REV1: variants seen among roughly 807,000 people sequenced by gnomAD.
REV1 encodes REV1 DNA directed polymerase.
Under a neutral mutation model 137.4 loss-of-function variants are expected in REV1, and 42 were observed. That is an observed-to-expected ratio of 0.31 (90% CI 0.24 to 0.40). REV1 has a LOEUF of 0.40. REV1 is among the 10% of genes least tolerant of loss of function. REV1 has a pLI of 1.00. For synonymous variants in REV1, 524 were observed against 519.2 expected, an observed-to-expected ratio of 1.01 and a Z score of -0.12; for missense variants, 1,282 against 1,490.1, an observed-to-expected ratio of 0.86 and a Z score of 2.30.
intron 1 of REV1, among the ~76,000 whole-genome samples, chr2:99,485,165 A>G (rs1687011045): frequency 6.6e-6 from 1 of 152,252 alleles, no homozygotes; most frequent in South Asian, 2.1e-4. Flanking sequence ...TACTAAGGAC[A>G]AGTGAATTTA....
chr2:99,401,423 T>G (rs772214707), intron 22 of REV1, 71 bp from the exon 23 acceptor site: 1 of 1,027,388 alleles, frequency 9.7e-7, no homozygotes, highest in Non-Finnish European at 1.4e-6. Context: ...TTCCTTTTTA[T>G]ATATAAAAAT....
At chr2:99,468,145 AC>A (rs573311229) in intron 1 of REV1, among the ~76,000 whole-genome samples, 87 of 150,736 alleles carry the variant, frequency 5.8e-4, no homozygotes, top group South Asian at 1.3e-3. Flanking sequence ...GCACCATTGG[AC>A]TCCAGCCTGG....
rs1371812251 is a variant in REV1 at position 99,462,555 on chromosome 2, T to C, written c.122A>G (p.Lys41Arg). The C allele has an allele frequency of 6.2e-7, 1 of 1,613,710 alleles. No individual in the cohort carries two copies. The highest frequency in any genetic ancestry group is 8.5e-7 in the Non-Finnish European group (1 of 1,179,846). Reference protein sequence around the residue: ...EQFRSDAAMQKDGTSSTIFSG... With the variant: ...EQFRSDAAMQRDGTSSTIFSG... Reference sequence around the variant, plus strand: ...AAAAATTGTAGATGAAGTCCCATCCTTCTGCATAGCAGCATCTGATCGAAA... The same window carrying C: ...AAAAATTGTAGATGAAGTCCCATCCCTCTGCATAGCAGCATCTGATCGAAA... Residue 41 changes from lysine to arginine, a missense_variant, in exon 3 of 23, where the codon AAG (lysine) becomes AGG (arginine). By Grantham distance (26) the Lys-to-Arg change is conservative. Transcript: ENST00000258428.
chr2:99,423,825 G>A (rs1678994484), intron 10 of REV1, among the ~76,000 whole-genome samples: 1 of 152,140 alleles, frequency 6.6e-6, no homozygotes, highest in Non-Finnish European at 1.5e-5. Flanking sequence ...GAAAAACCAG[G>A]TTAAAAAATT....
rs779954369 is a variant in REV1, at chr2:99,406,344, G to C, written c.2595C>G (p.Thr865=). The C allele has an allele frequency of 6.8e-6, 11 of 1,612,070 alleles. No homozygotes were observed. Among genetic ancestry groups the C allele is most frequent in the Non-Finnish European group, 8.5e-6 (10 of 1,178,896 alleles). ...ACCAACCTTCTTTGTGCTCCTCTTC[G>C]GTGGATTTCTTAGCTTTCTGAACTT... ...VFQVQKAKKS[T]EEEHKEVFRA... is the part of the protein sequence containing the mutation. The change falls in exon 16 of 23, where the codon ACC becomes ACG. Residue 865 remains threonine (T), a synonymous_variant. Transcript: ENST00000258428.
chr2:99,462,662 A>T, intron 2 of REV1, 40 bp from the exon 3 acceptor site: 1 of 1,573,564 alleles, frequency 6.4e-7, no homozygotes, highest in South Asian at 1.2e-5. Flanking sequence ...CAAAGGTTAC[A>T]TTTTCTCCCC....
intron 1 of REV1, among the ~76,000 whole-genome samples, chr2:99,474,698 T>C (rs1685775640): frequency 6.6e-6 from 1 of 152,100 alleles, no homozygotes; most frequent in African/African-American, 2.4e-5. Context: ...GATCAGAAGT[T>C]TGAGACCAGC....
chr2:99,442,201 G>A, intron 5 of REV1, 116 bp downstream of exon 5: 4 of 943,460 alleles, frequency 4.2e-6, no homozygotes, highest in East Asian at 2.8e-5. Flanking sequence ...GCAATGAGCC[G>A]AGATCATACC....
At chr2:99,415,003 TATGA>T (rs1677657062) in intron 12 of REV1, among the ~76,000 whole-genome samples, 1 of 152,230 alleles carries the variant, frequency 6.6e-6, no homozygotes, top group Non-Finnish European at 1.5e-5. Context: ...GACATCCCTC[TATGA>T]AAGAAGCACA....
chr2:99,462,595 T>G lies in REV1; in HGVS notation c.82A>C (p.Lys28Gln). 6.2e-7 allele frequency: 1 copy of G among 1,613,106 alleles called. No homozygotes were observed. Among genetic ancestry groups the G allele is most frequent in the Non-Finnish European group, 8.5e-7 (1 of 1,179,816 alleles). ...WGGYMAAKVQ[K>Q]LEEQFRSDAA... ...TCTGATCGAAACTGTTCCTCCAATT[T>G]CTGGACCTTGGCAGCCATATACCCA... is the stretch of plus-strand genomic sequence containing the variant. The change falls in exon 3 of 23, where the codon AAA becomes CAA. Residue 28 changes from lysine (K) to glutamine (Q), a missense_variant. Lys to Gln is a moderately conservative substitution (Grantham distance 53). Coordinates refer to ENST00000258428, the MANE Select transcript of REV1 (RefSeq NM_016316.4).
intron 14 of REV1, among the ~76,000 whole-genome samples, chr2:99,409,858 C>A (rs545823796): frequency 3.9e-5 from 5 of 129,080 alleles, no homozygotes; most frequent in South Asian, 3.1e-4. Context: ...AAACAACCCC[C>A]CCCCCCCCCA....
At chr2:99,445,912 C>T (rs996895575) in intron 4 of REV1, among the ~76,000 whole-genome samples, 1 of 151,594 alleles carries the variant, frequency 6.6e-6, no homozygotes, top group Non-Finnish European at 1.5e-5. Context: ...TCAAACTGCT[C>T]GAATAAAAAC....
chr2:99,441,455 A>G (rs28382874), intron 5 of REV1, among the ~76,000 whole-genome samples: 1,994 of 152,238 alleles, frequency 0.013, 43 homozygotes, highest in African/African-American at 0.046. Context: ...GGTTGCAATT[A>G]AAAGCTTAAA....
chr2:99,436,004 T>C lies in REV1; in HGVS notation c.1214-63A>G, dbSNP rs189130931. The C allele has an allele frequency of 1.5e-3, 1,315 of 903,360 alleles. 4 individuals carry two copies. Among genetic ancestry groups the C allele is most frequent in the Non-Finnish European group, 1.6e-3 (905 of 558,936 alleles). The allele number at this position is 903,360 out of a possible 1,614,324, so 56.0% of individuals were successfully genotyped here. A position where few individuals can be genotyped will look rare whatever the true frequency, so the allele number is the denominator to read the frequency against. On this transcript the variant is annotated intron_variant, in intron 6 of 22. Transcript: ENST00000258428. The stretch of plus-strand genomic sequence containing the variant: ...TTTTTACTATTTAAAACATCAGGTC[T>C]AGTTAATTTTAGAAATTATATTTAA...
Position 99,401,360 on chromosome 2 carries a change from T to C in REV1, c.3645-8A>G. Reference sequence around the variant, plus strand: ...ACCGATTGCTGCATCAGCCTAAAGGTGGGGAGAGAAGAAATGTCATTAGGA... The same window carrying C: ...ACCGATTGCTGCATCAGCCTAAAGGCGGGGAGAGAAGAAATGTCATTAGGA... On this transcript the variant is annotated splice_region_variant and splice_polypyrimidine_tract_variant and intron_variant, in intron 22 of 22. Transcript: ENST00000258428. 1 of 1,585,338 alleles carries C rather than the reference T, an allele frequency of 6.3e-7. No homozygotes were observed. Among genetic ancestry groups the C allele is most frequent in the Non-Finnish European group, 8.6e-7 (1 of 1,156,236 alleles).
intron 3 of REV1, among the ~76,000 whole-genome samples, chr2:99,452,348 G>A (rs1224606112): frequency 6.7e-6 from 1 of 149,522 alleles, no homozygotes; most frequent in East Asian, 2.0e-4. Flanking sequence ...CCTTGAGCCA[G>A]AGAGGCAGAG....
At chr2:99,434,121 A>G (rs780087290) in intron 8 of REV1, among the ~76,000 whole-genome samples, 1 of 152,192 alleles carries the variant, frequency 6.6e-6, no homozygotes, top group Non-Finnish European at 1.5e-5. Context: ...AAGCAAATCA[A>G]TCATATCTTG....
At chr2:99,457,808 G>A (rs1340819535) in intron 3 of REV1, among the ~76,000 whole-genome samples, 1 of 152,092 alleles carries the variant, frequency 6.6e-6, no homozygotes, top group East Asian at 1.9e-4. Flanking sequence ...CATAGGTACA[G>A]TATTTGATAT....
chr2:99,423,074 T>A (rs1678891672), intron 10 of REV1, among the ~76,000 whole-genome samples: 1 of 152,212 alleles, frequency 6.6e-6, no homozygotes, highest in East Asian at 1.9e-4. Flanking sequence ...ATAGAATAGC[T>A]ATAATAAGTG....
Sources: allele counts gnomAD v4.1 joint callset (sites outside exome capture counted in the v4.1 genomes callset), GRCh38; gene constraint gnomAD v4.1.1; transcripts MANE v1.5; gene names NCBI Gene and HGNC (gene_info 2026-07-23, HGNC 2026-07-21).